Variants in ARHGEF4 observed in about 807,000 individuals in gnomAD.
ARHGEF4 encodes Rho guanine nucleotide exchange factor 4, also known as APC-stimulated guanine nucleotide exchange factor 1.
Under a neutral mutation model 162.0 loss-of-function variants are expected in ARHGEF4, and 119 were observed. The observed-to-expected ratio is 0.73, with a 90% CI of 0.63 to 0.86. ARHGEF4 has a LOEUF of 0.86. Ranked by LOEUF, ARHGEF4 falls within the 40% of genes least tolerant of loss-of-function variation. The pLI, the probability that ARHGEF4 is intolerant of heterozygous loss-of-function variation, is 0.00. For missense variants in ARHGEF4, 2,488 were observed against 2,456.0 expected, an observed-to-expected ratio of 1.01 and a Z score of -0.28; for synonymous variants, 1,014 against 979.9, an observed-to-expected ratio of 1.03 and a Z score of -0.65.
chr2:131,036,953 T>C (rs909852741), intron 5 of ARHGEF4, among the ~76,000 whole-genome samples: 2 of 152,098 alleles, frequency 1.3e-5, no homozygotes, highest in African/African-American at 4.8e-5. Context: ...GCTCCTACCA[T>C]ATGGTCGCCT....
At chr2:131,020,363 C>T (rs1689038845) in intron 4 of ARHGEF4, among the ~76,000 whole-genome samples, 1 of 132,560 alleles carries the variant, frequency 7.5e-6, no homozygotes, top group Admixed American at 8.7e-5. Flanking sequence ...CAACAGGCCC[C>T]AGTGTGTGAT....
intron 3 of ARHGEF4, among the ~76,000 whole-genome samples, chr2:130,939,149 T>C (rs1683132350): frequency 6.6e-6 from 1 of 152,176 alleles, no homozygotes; most frequent in South Asian, 2.1e-4. Flanking sequence ...AGTGAGAACA[T>C]GTGGTATTTG....
chr2:130,907,555 G>A (rs1206985838), intron 1 of ARHGEF4, among the ~76,000 whole-genome samples: 1 of 151,866 alleles, frequency 6.6e-6, no homozygotes, highest in Admixed American at 6.6e-5. Context: ...ATTATTGTAT[G>A]GATATGGATG....
At chr2:130,908,048 A>C (rs958380899) in intron 1 of ARHGEF4, among the ~76,000 whole-genome samples, 3 of 151,916 alleles carry the variant, frequency 2.0e-5, no homozygotes, top group African/African-American at 7.3e-5. Flanking sequence ...TTGCTTGGTC[A>C]TATGTTTAGT....
chr2:130,937,651 T>C (rs1054429956), intron 3 of ARHGEF4, among the ~76,000 whole-genome samples: 4 of 148,650 alleles, frequency 2.7e-5, no homozygotes, highest in South Asian at 2.1e-4. Flanking sequence ...CCATACTTTC[T>C]TGTGTCTTTG....
chr2:130,992,868 G>A (rs1210228627), intron 4 of ARHGEF4, among the ~76,000 whole-genome samples: 1 of 152,218 alleles, frequency 6.6e-6, no homozygotes, highest in African/African-American at 2.4e-5. Context: ...TAGATAACAT[G>A]AGGCCAGGGA....
Position 131,039,197 on chromosome 2 carries a change from ACTC to A in ARHGEF4, c.4305+168_4305+170del, listed in dbSNP as rs572486249. On this transcript the variant is annotated intron_variant, in intron 6 of 13. Transcript: ENST00000409359. ...GCCTTCCTCCTCCTGGAGAGCCACTACTCCTGCTCCCATTCCTCTTCTGGTGAG... is the reference window on the plus strand; with the variant it reads ...GCCTTCCTCCTCCTGGAGAGCCACTACTGCTCCCATTCCTCTTCTGGTGAG... 1.7e-4 allele frequency among the ~76,000 whole-genome samples: 26 copies of A among 152,026 alleles called. 1 individual carries two copies. Among genetic ancestry groups the A allele is most frequent in the African/African-American group, 6.0e-4 (25 of 41,446 alleles).
chr2:130,920,471 T>C (rs1346605845), intron 2 of ARHGEF4, among the ~76,000 whole-genome samples: 1 of 152,158 alleles, frequency 6.6e-6, no homozygotes, highest in African/African-American at 2.4e-5. Flanking sequence ...GAAGGCCTAG[T>C]ACACTGCGCC....
At position 130,915,153 on chromosome 2, in the gene ARHGEF4, C is replaced by G; in HGVS notation, c.1207C>G (p.Pro403Ala). The stretch of plus-strand genomic sequence containing the variant: ...GAGTGGGGCTCCCCATCTGCAGGGT[C>G]CCTGCAAGCCTGGTGGGTTTCGCTT... ...FQSGAPHLQGPCKPGGFRLQR... is the reference protein window; with the variant it reads ...FQSGAPHLQGACKPGGFRLQR... Residue 403 changes from proline to alanine, a missense_variant, in exon 2 of 14, where the codon CCC (proline) becomes GCC (alanine). Physicochemically the swap from Pro to Ala is conservative, Grantham distance 27. Coordinates refer to ENST00000409359, the MANE Select transcript of ARHGEF4 (RefSeq NM_001367493.1). 6.4e-7 allele frequency: 1 copy of G among 1,550,630 alleles called. No homozygotes were observed. Among genetic ancestry groups the G allele is most frequent in the Non-Finnish European group, 8.7e-7 (1 of 1,147,002 alleles).
chr2:130,842,831 A>C (rs1172005915), intron 1 of ARHGEF4, among the ~76,000 whole-genome samples: 6 of 152,226 alleles, frequency 3.9e-5, no homozygotes, highest in Admixed American at 3.9e-4. Context: ...TGCCAAAGAC[A>C]GTAAAGGGCT....
rs573729878 is a variant in ARHGEF4 at position 131,013,515 on chromosome 2, C to A, written c.3986-14430C>A. Among the ~76,000 whole-genome samples the A allele has an allele frequency of 2.1e-4, 32 of 152,314 alleles. 1 individual carries two copies. The South Asian group carries it at 6.6e-3, about 32-fold the overall frequency. ...GTTAGAGTTTCTCATGCATGATTGT[C>A]CTGATCCATTTCCCTTAAGTGGCTT... On this transcript the variant is annotated intron_variant, in intron 4 of 13. Coordinates refer to ENST00000409359, the MANE Select transcript of ARHGEF4 (RefSeq NM_001367493.1).
At chr2:131,007,868 A>G (rs1181801161) in intron 4 of ARHGEF4, among the ~76,000 whole-genome samples, 1 of 128,972 alleles carries the variant, frequency 7.8e-6, no homozygotes, top group Non-Finnish European at 1.5e-5. Context: ...CTGGAGTGCA[A>G]TGGCACGATC....
intron 2 of ARHGEF4, among the ~76,000 whole-genome samples, chr2:130,919,209 G>A (rs1275062786): frequency 6.6e-6 from 1 of 152,140 alleles, no homozygotes; most frequent in African/African-American, 2.4e-5. Flanking sequence ...TGGCATTGAG[G>A]TAATCTCTAG....
chr2:131,035,181 C>A (rs1387154554), intron 5 of ARHGEF4: 1 of 1,222,270 alleles, frequency 8.2e-7, no homozygotes, highest in African/African-American at 1.6e-5. Context: ...CCCCCGGCGC[C>A]CAGCGCGTGG....
At chr2:130,926,973 G>T (rs1262107119) in intron 2 of ARHGEF4, among the ~76,000 whole-genome samples, 1 of 151,142 alleles carries the variant, frequency 6.6e-6, no homozygotes, top group Non-Finnish European at 1.5e-5. Context: ...TTATCTTGGG[G>T]CTGACATCTC....
Position 130,926,810 on chromosome 2 carries a change from A to ATTTTTCTTT in ARHGEF4, c.3553-4137_3553-4136insCTTTTTTTT, listed in dbSNP as rs1682320036. Among the ~76,000 whole-genome samples the ATTTTTCTTT allele has an allele frequency of 6.1e-5, 3 of 48,948 alleles. No homozygotes were observed. The South Asian group carries it at 4.4e-3, about 72-fold the overall frequency. The allele number at this position is 48,948 out of a possible 152,430, so 32.1% of individuals were successfully genotyped here. ...TAAACCTGAGAGGGACTTCTGGCTGATTTTTTTTTTTTTTTTTTTTTTTTT... is the reference window on the plus strand; with the variant it reads ...TAAACCTGAGAGGGACTTCTGGCTGATTTTTCTTTTTTTTTTTTTTTTTTTTTTTTTTTT... On this transcript the variant is annotated intron_variant, in intron 2 of 13. Coordinates refer to ENST00000409359, the MANE Select transcript of ARHGEF4 (RefSeq NM_001367493.1).
chr2:131,034,861 T>C, intron 5 of ARHGEF4: 1 of 477,478 alleles, frequency 2.1e-6, no homozygotes, highest in Non-Finnish European at 2.7e-6. Flanking sequence ...GCGGTCCCTC[T>C]GAGCCTCTCC....
chr2:130,942,839 C>T (rs891385991), intron 3 of ARHGEF4, among the ~76,000 whole-genome samples: 2 of 152,062 alleles, frequency 1.3e-5, no homozygotes, highest in African/African-American at 4.8e-5. Flanking sequence ...TTTAAAATTT[C>T]ATTATTATGA....
intron 4 of ARHGEF4, among the ~76,000 whole-genome samples, chr2:131,020,130 G>A (rs550403117): frequency 6.6e-6 from 1 of 152,262 alleles, no homozygotes; most frequent in East Asian, 1.9e-4. Flanking sequence ...GATGTCATCT[G>A]CAAACAGATA....
Sources: allele counts gnomAD v4.1 joint callset (sites outside exome capture counted in the v4.1 genomes callset), GRCh38; gene constraint gnomAD v4.1.1; transcripts MANE v1.5; gene names NCBI Gene and HGNC (gene_info 2026-07-23, HGNC 2026-07-21).